The following ZNF367 variants were observed in gnomAD, a reference collection of about 807,000 sequenced individuals.
The protein encoded by ZNF367 is C2H2 zinc finger protein ZFF29.
A neutral mutation model predicts 31.8 loss-of-function variants in ZNF367; 11 were observed. That is an observed-to-expected ratio of 0.35 (90% CI 0.22 to 0.57). The LOEUF is 0.57. ZNF367 is among the 20% of genes least tolerant of loss of function. The pLI, the probability that ZNF367 is intolerant of heterozygous loss-of-function variation, is 0.85. For missense variants in ZNF367, 353 were observed against 484.1 expected (o/e 0.73, Z 2.54); for synonymous variants, 199 against 202.4 (o/e 0.98, Z 0.14).
intron 4 of ZNF367, among the ~76,000 whole-genome samples, chr9:96,390,664 A>G (rs562930743): frequency 2.0e-5 from 3 of 152,158 alleles, no homozygotes; most frequent in African/African-American, 7.2e-5. Context: ...TGCGAGAATC[A>G]CTTGAGGCCA....
chr9:96,411,807 T>C (rs1303528150), intron 1 of ZNF367, among the ~76,000 whole-genome samples: 1 of 152,090 alleles, frequency 6.6e-6, no homozygotes, highest in African/African-American at 2.4e-5. Context: ...GTTCACTAAG[T>C]GCATTCTTTT....
In ZNF367 at chr9:96,417,345, C is replaced by A. The variant is rs1247927368; in HGVS notation, c.420+268G>T. Among the ~76,000 whole-genome samples, 3 of 152,076 alleles carry A rather than the reference C, an allele frequency of 2.0e-5. No individual in the cohort carries two copies. Among genetic ancestry groups the A allele is most frequent in the Non-Finnish European group, 2.9e-5 (2 of 68,004 alleles). On this transcript the variant is annotated intron_variant, in intron 1 of 4. Coordinates refer to ENST00000375256, the MANE Select transcript of ZNF367 (RefSeq NM_153695.4). This position sits in a 1 kb window ranked among gnomAD's most constrained non-coding sequence, Gnocchi z 5.0. ...CGGGAGGATGTCAGTGGCCGTTGAC[C>A]CGGCCTCCCCAGCGACCCCGGGCCG...
At chr9:96,410,570 A>C (rs1175509542) in intron 1 of ZNF367, among the ~76,000 whole-genome samples, 33 of 145,242 alleles carry the variant, frequency 2.3e-4, no homozygotes, top group African/African-American at 5.2e-4. Flanking sequence ...TCAAAAAAAA[A>C]AAAAAAAAAC....
intron 1 of ZNF367, chr9:96,407,171 A>T: frequency 4.5e-6 from 3 of 659,976 alleles, no homozygotes; most frequent in Non-Finnish European, 8.2e-6. Context: ...AAATAAATAA[A>T]TAGCTTTCCT....
intron 2 of ZNF367, among the ~76,000 whole-genome samples, chr9:96,395,398 C>A (rs1333042442): frequency 6.6e-6 from 1 of 152,154 alleles, no homozygotes; most frequent in Non-Finnish European, 1.5e-5. Flanking sequence ...GTCATACCAA[C>A]TAGCTCCTGA....
intron 1 of ZNF367, chr9:96,407,490 T>C: frequency 1.5e-6 from 2 of 1,301,210 alleles, no homozygotes; most frequent in Non-Finnish European, 2.2e-6. Flanking sequence ...CAAAGATGCA[T>C]GAAAAGAAAA....
chr9:96,406,398 T>C (rs1043106756), intron 1 of ZNF367, among the ~76,000 whole-genome samples: 1 of 152,204 alleles, frequency 6.6e-6, no homozygotes, highest in Non-Finnish European at 1.5e-5. Context: ...CATGGATGAA[T>C]TATCTTCTAG....
chr9:96,390,884 GAAAAAAAA>G (rs34868065), intron 4 of ZNF367, among the ~76,000 whole-genome samples: 1 of 56,602 alleles, frequency 1.8e-5, no homozygotes, highest in African/African-American at 7.2e-5. Context: ...ACCCTGTCTC[GAAAAAAAA>G]AAAAAAAAAA....
chr9:96,398,385 T>A, intron 1 of ZNF367, 71 bp from the exon 2 acceptor site: 1 of 1,409,190 alleles, frequency 7.1e-7, no homozygotes, highest in Non-Finnish European at 9.6e-7. Flanking sequence ...TATCATAATA[T>A]AACTTTCAAA....
intron 1 of ZNF367, among the ~76,000 whole-genome samples, chr9:96,408,155 T>C (rs1339949233): frequency 6.6e-6 from 1 of 152,056 alleles, no homozygotes; most frequent in Non-Finnish European, 1.5e-5. Context: ...GGCACATGTA[T>C]ACATATGGAA....
Position 96,388,445 on chromosome 9 carries a change from C to T in ZNF367, c.845G>A (p.Arg282Lys). The change falls in exon 5 of 5, where the codon AGA (arginine) becomes AAA (lysine). Residue 282 changes from arginine to lysine, a missense_variant. Physicochemically the swap from Arg to Lys is conservative, Grantham distance 26. This residue lies in a region of ZNF367 where 101 missense variants were observed against 140.0 expected (regional missense o/e 0.72). Coordinates refer to ENST00000375256, the MANE Select transcript of ZNF367 (RefSeq NM_153695.4). ...AEWLARYWEM[R>K]EQRTPTLKGK... Reference sequence around the variant, plus strand: ...TTTCAAAGTGGGGGTGCGCTGCTCTCTCATTTCCCAATACCTATGTGAAAT... The same window carrying T: ...TTTCAAAGTGGGGGTGCGCTGCTCTTTCATTTCCCAATACCTATGTGAAAT... The T allele has an allele frequency of 3.1e-6, 5 of 1,613,570 alleles. No homozygotes were observed. The highest frequency in any genetic ancestry group is 3.4e-6 in the Non-Finnish European group (4 of 1,179,968).
rs56349404 is a variant in ZNF367, at chr9:96,415,479, A to ATTT, written c.420+2131_420+2133dup. On this transcript the variant is annotated intron_variant, in intron 1 of 4. Transcript: ENST00000375256. ...CAACGCTTCTATCGTTAGTTTCTTC[A>ATTT]TTTTTTTTTTTTTTTTTTTTTTTTT... 1.7e-3 allele frequency among the ~76,000 whole-genome samples: 64 copies of ATTT among 37,782 alleles called. 20 individuals carry two copies. The highest frequency in any genetic ancestry group is 3.3e-3 in the African/African-American group (30 of 9,150). The allele number at this position is 37,782 out of a possible 152,430, so 24.8% of individuals were successfully genotyped here. A position where few individuals can be genotyped will look rare whatever the true frequency, so the allele number is the denominator to read the frequency against.
At chr9:96,414,902 T>C (rs1366598334) in intron 1 of ZNF367, among the ~76,000 whole-genome samples, 1 of 152,218 alleles carries the variant, frequency 6.6e-6, no homozygotes, top group African/African-American at 2.4e-5. Flanking sequence ...GATTAATCTA[T>C]AAGAATAAAA....
At position 96,417,915 on chromosome 9, in the gene ZNF367, T is replaced by C. The variant is rs1430593729; in HGVS notation, c.118A>G (p.Ile40Val). ...VLVSVIRTTPIKPTCGGGGEP... is the reference protein window; with the variant it reads ...VLVSVIRTTPVKPTCGGGGEP... ...CCTCCACCGCCGCACGTTGGCTTGA[T>C]CGGGGTCGTCCTGATGACCGACACC... Residue 40 changes from isoleucine (I) to valine (V), a missense_variant, in exon 1 of 5, where the codon ATC becomes GTC. Ile to Val is a conservative substitution (Grantham distance 29). Around this residue, in one of 5 missense-constraint regions of ZNF367, gnomAD observed 94 missense variants for 86.7 expected, o/e 1.08. Coordinates refer to ENST00000375256, the MANE Select transcript of ZNF367 (RefSeq NM_153695.4). This position sits in a 1 kb window ranked among gnomAD's most constrained non-coding sequence, Gnocchi z 5.0. The C allele has an allele frequency of 6.5e-7, 1 of 1,530,844 alleles. No homozygotes were observed. Among genetic ancestry groups the C allele is most frequent in the East Asian group, 2.7e-5 (1 of 37,350 alleles). 94.8% of individuals were successfully genotyped at this position (1,530,844 alleles called of 1,614,324 possible). A position where few individuals can be genotyped will look rare whatever the true frequency, so the allele number is the denominator to read the frequency against.
At chr9:96,390,771 C>T (rs1370922652) in intron 4 of ZNF367, among the ~76,000 whole-genome samples, 2 of 150,908 alleles carry the variant, frequency 1.3e-5, no homozygotes, top group Non-Finnish European at 2.9e-5. Flanking sequence ...GTGGTCCCAG[C>T]TACTCAGGGG....
chr9:96,407,502 C>T (rs574703574), intron 1 of ZNF367: 24 of 1,283,684 alleles, frequency 1.9e-5, no homozygotes, highest in Non-Finnish European at 2.6e-5. Context: ...AAAAGAAAAA[C>T]ACCAAACAAA....
chr9:96,400,071 A>G (rs1208856887), intron 1 of ZNF367, among the ~76,000 whole-genome samples: 2 of 152,192 alleles, frequency 1.3e-5, no homozygotes, highest in Admixed American at 1.3e-4. Context: ...AGTATGGTAC[A>G]TACACAGGAG....
rs1831866542 is a variant in ZNF367, at chr9:96,418,370, T to C, written c.-338A>G. On this transcript the variant is annotated 5_prime_UTR_variant, in exon 1 of 5. Coordinates refer to ENST00000375256, the MANE Select transcript of ZNF367 (RefSeq NM_153695.4). Reference sequence around the variant, plus strand: ...CAAAAATAACAACCTGCCGCCGCGGTGCCTGCCCCGGCTTTTCCCGCGTTA... The same window carrying C: ...CAAAAATAACAACCTGCCGCCGCGGCGCCTGCCCCGGCTTTTCCCGCGTTA... 2 of 299,042 alleles carry C rather than the reference T, an allele frequency of 6.7e-6. No individual in the cohort carries two copies. The highest frequency in any genetic ancestry group is 4.3e-5 in the African/African-American group (2 of 46,204). 18.5% of individuals were successfully genotyped at this position (299,042 alleles called of 1,614,324 possible). A position where few individuals can be genotyped will look rare whatever the true frequency, so the allele number is the denominator to read the frequency against.
intron 1 of ZNF367, 41 bp from the exon 2 acceptor site, chr9:96,398,355 C>T (rs766357375): frequency 1.9e-5 from 30 of 1,554,288 alleles, no homozygotes; most frequent in South Asian, 7.1e-5. Context: ...ATTTATTTAA[C>T]GCTACTCATT....
Sources: allele counts gnomAD v4.1 joint callset (sites outside exome capture counted in the v4.1 genomes callset), GRCh38; gene constraint gnomAD v4.1.1; regional missense constraint gnomAD v4.1.1; non-coding constraint Gnocchi (gnomAD v3.1); transcripts MANE v1.5; gene names NCBI Gene and HGNC (gene_info 2026-07-23, HGNC 2026-07-21).